Variants in LRRFIP2 observed in about 807,000 individuals in gnomAD.
LRRFIP2 encodes the protein LRR binding FLII interacting protein 2.
In LRRFIP2, 109 loss-of-function variants were observed where a neutral mutation model predicts 125.9. The ratio of observed to expected loss-of-function variants is 0.87; its 90% CI spans 0.74 to 1.01. The LOEUF (loss-of-function observed/expected upper bound fraction) is 1.01. LRRFIP2 is among the 50% of genes least tolerant of loss of function. The probability of loss-of-function intolerance (pLI) is 0.00; values close to 1 mark genes in which losing one functional copy is unlikely to be tolerated. For missense variants in LRRFIP2, 850 were observed against 862.3 expected, an observed-to-expected ratio of 0.99 and a Z score of 0.18; for synonymous variants, 291 against 293.1, an observed-to-expected ratio of 0.99 and a Z score of 0.07.
intron 6 of LRRFIP2, among the ~76,000 whole-genome samples, chr3:37,118,673 A>T (rs1310695886): frequency 1.3e-5 from 2 of 152,356 alleles, no homozygotes; most frequent in Admixed American, 6.5e-5. Flanking sequence ...AAAAGATAGT[A>T]TATGAAAGTT....
At chr3:37,168,893 C>T (rs1458635619) in intron 1 of LRRFIP2, among the ~76,000 whole-genome samples, 3 of 152,222 alleles carry the variant, frequency 2.0e-5, no homozygotes, top group Non-Finnish European at 4.4e-5. Flanking sequence ...GATCCTCCTA[C>T]CTCAGCCTGA....
chr3:37,175,856 C>CTG (rs1363362202), upstream of LRRFIP2: 34 of 152,250 alleles, frequency 2.2e-4, 1 homozygote, highest in Non-Finnish European at 2.9e-5. Context: ...CGTTAGAAAT[C>CTG]AGACGGGATG....
chr3:37,158,275 C>T (rs775744427), intron 1 of LRRFIP2, among the ~76,000 whole-genome samples: 2 of 152,130 alleles, frequency 1.3e-5, no homozygotes, highest in Non-Finnish European at 2.9e-5. Flanking sequence ...GAAAGGGAGA[C>T]CAACAATTAC....
chr3:37,117,778 C>T (rs1451074058), intron 6 of LRRFIP2, among the ~76,000 whole-genome samples: 1 of 152,122 alleles, frequency 6.6e-6, no homozygotes, highest in Non-Finnish European at 1.5e-5. Flanking sequence ...ATCAAGGACA[C>T]TGAAAGTCAA....
intron 21 of LRRFIP2, among the ~76,000 whole-genome samples, chr3:37,070,333 C>G (rs113524215): frequency 1.9e-4 from 29 of 149,786 alleles, no homozygotes; most frequent in African/African-American, 6.8e-4. Flanking sequence ...AGGCTGGTCT[C>G]GAACTCTTGA....
chr3:37,165,361 C>G (rs2096453374), intron 1 of LRRFIP2, among the ~76,000 whole-genome samples: 1 of 137,886 alleles, frequency 7.3e-6, no homozygotes, highest in African/African-American at 2.7e-5. Context: ...CGAAACCAAC[C>G]CCCCCACCCA....
At chr3:37,117,199 T>C (rs534576290) in intron 6 of LRRFIP2, among the ~76,000 whole-genome samples, 16 of 151,538 alleles carry the variant, frequency 1.1e-4, no homozygotes, top group African/African-American at 3.6e-4. Context: ...AGCTATTCCA[T>C]CCTCCAAATA....
At chr3:37,097,927 C>T (rs930078004) in intron 15 of LRRFIP2, among the ~76,000 whole-genome samples, 3 of 152,136 alleles carry the variant, frequency 2.0e-5, no homozygotes, top group Non-Finnish European at 4.4e-5. Context: ...ATGAAAATAA[C>T]TCCAACTCCT....
At chr3:37,169,137 G>C (rs1281379113) in intron 1 of LRRFIP2, among the ~76,000 whole-genome samples, 2 of 152,132 alleles carry the variant, frequency 1.3e-5, no homozygotes, top group African/African-American at 4.8e-5. Flanking sequence ...CCAGGTTAGT[G>C]TAAGTATACT....
chr3:37,131,952 T>C (rs138557583), intron 2 of LRRFIP2, among the ~76,000 whole-genome samples: 33 of 152,308 alleles, frequency 2.2e-4, no homozygotes, highest in African/African-American at 7.2e-4. Flanking sequence ...GGTCTTTTAA[T>C]AGAAAAACCC....
chr3:37,089,392 G>A (rs1041592138), intron 18 of LRRFIP2, among the ~76,000 whole-genome samples: 2 of 152,140 alleles, frequency 1.3e-5, no homozygotes, highest in South Asian at 2.1e-4. Context: ...GGATGGAGGG[G>A]AGAGTGGTTG....
chr3:37,149,734 C>T (rs1487513496), intron 1 of LRRFIP2, among the ~76,000 whole-genome samples: 2 of 152,052 alleles, frequency 1.3e-5, no homozygotes, highest in Non-Finnish European at 2.9e-5. Flanking sequence ...GGCACGGTGG[C>T]TCTCACCTGT....
Position 37,167,668 on chromosome 3 carries a change from G to GAAAGAAAGAAA in LRRFIP2, c.-56+6860_-56+6870dup, listed in dbSNP as rs2096527833. On this transcript the variant is annotated intron_variant, in intron 1 of 27. Coordinates refer to ENST00000336686, the MANE Select transcript of LRRFIP2 (RefSeq NM_006309.4). Reference sequence around the variant, plus strand: ...CACTCTGTCTCAAAAAAAAAAAAAAGAAAGAAAGAAAAAAGAAAAAAAAAA... The same window carrying GAAAGAAAGAAA: ...CACTCTGTCTCAAAAAAAAAAAAAAGAAAGAAAGAAAAAAGAAAGAAAAAAGAAAAAAAAAA... Among the ~76,000 whole-genome samples the GAAAGAAAGAAA allele has an allele frequency of 2.8e-5, 4 of 141,482 alleles. No homozygotes were observed. The Admixed American group carries it at 2.9e-4, about 10-fold the overall frequency. The allele number at this position is 141,482 out of a possible 152,430, so 92.8% of individuals were successfully genotyped here.
chr3:37,116,445 G>T (rs1462007522), intron 6 of LRRFIP2, among the ~76,000 whole-genome samples: 3 of 151,940 alleles, frequency 2.0e-5, no homozygotes, highest in Non-Finnish European at 4.4e-5. Context: ...CCCTCAACCA[G>T]CATTTTAAAA....
rs185474108 is a variant in LRRFIP2, at chr3:37,148,072, T to G, written c.90+822A>C. 1.8e-4 allele frequency among the ~76,000 whole-genome samples: 28 copies of G among 152,324 alleles called. No individual in the cohort carries two copies. The East Asian group carries it at 4.6e-3, about 25-fold the overall frequency. On this transcript the variant is annotated intron_variant, in intron 2 of 27. Coordinates refer to ENST00000336686, the MANE Select transcript of LRRFIP2 (RefSeq NM_006309.4). ...TCCATCAACATTTACATACCACGTC[T>G]GAAGCATATTAACTGCATAGCCCAA...
chr3:37,166,725 T>C (rs1481625290), intron 1 of LRRFIP2, among the ~76,000 whole-genome samples: 1 of 148,082 alleles, frequency 6.8e-6, no homozygotes, highest in Non-Finnish European at 1.5e-5. Context: ...CTACAAAATA[T>C]AAAAAAAAAG....
intron 19 of LRRFIP2, among the ~76,000 whole-genome samples, chr3:37,082,971 A>C (rs1362604366): frequency 6.6e-6 from 1 of 152,180 alleles, no homozygotes; most frequent in African/African-American, 2.4e-5. Flanking sequence ...TCTGGCAATA[A>C]TACCCATTTG....
At chr3:37,109,607 G>T in intron 10 of LRRFIP2, 36 bp from the exon 11 acceptor site, 3 of 1,613,918 alleles carry the variant, frequency 1.9e-6, no homozygotes. Flanking sequence ...CCCAAAAAAA[G>T]CAACTGGTAG....
In LRRFIP2 at chr3:37,057,966, T is replaced by C. The variant is rs1355857936; in HGVS notation, c.1870+824A>G. On this transcript the variant is annotated intron_variant, in intron 25 of 27. Coordinates refer to ENST00000336686, the MANE Select transcript of LRRFIP2 (RefSeq NM_006309.4). ...AATGAATAGAATAGACTTTATTTTG[T>C]GGACTTATTTTAAATTTCATCTAAT... Among the ~76,000 whole-genome samples the C allele has an allele frequency of 6.6e-5, 10 of 152,242 alleles. 1 individual carries two copies. The East Asian group carries it at 1.9e-3, about 29-fold the overall frequency.
Sources: allele counts gnomAD v4.1 joint callset (sites outside exome capture counted in the v4.1 genomes callset), GRCh38; gene constraint gnomAD v4.1.1; transcripts MANE v1.5; gene names NCBI Gene and HGNC (gene_info 2026-07-23, HGNC 2026-07-21).